Variants in CSMD1 observed in about 807,000 individuals in gnomAD.
CSMD1 encodes the protein CUB and sushi domain-containing protein 1.
Under a neutral mutation model 417.5 loss-of-function variants are expected in CSMD1, and 213 were observed. The ratio of observed to expected loss-of-function variants is 0.51; its 90% CI spans 0.46 to 0.57. The LOEUF (loss-of-function observed/expected upper bound fraction) is 0.57. CSMD1 is among the 20% of genes least tolerant of loss of function. The pLI is 0.00. For missense variants in CSMD1, 6,923 were observed against 4,529.7 expected, an observed-to-expected ratio of 1.53 and a Z score of -15.17; for synonymous variants, 2,862 against 1,736.8, an observed-to-expected ratio of 1.65 and a Z score of -16.11.
At chr8:3,310,025 T>G (rs1317978129) in intron 23 of CSMD1, among the ~76,000 whole-genome samples, 1 of 152,178 alleles carries the variant, frequency 6.6e-6, no homozygotes, top group African/African-American at 2.4e-5. Flanking sequence ...TAATTTTAAT[T>G]CAGATGCCTG....
intron 1 of CSMD1, among the ~76,000 whole-genome samples, chr8:4,813,554 C>T (rs1335670266): frequency 2.6e-5 from 4 of 152,110 alleles, no homozygotes; most frequent in Non-Finnish European, 4.4e-5. Flanking sequence ...TAACTCTTTC[C>T]AGAAGCCCTA....
chr8:4,307,567 T>C (rs1269199842), intron 3 of CSMD1, among the ~76,000 whole-genome samples: 1 of 152,326 alleles, frequency 6.6e-6, no homozygotes, highest in Admixed American at 6.5e-5. Context: ...TGCCTCTGCT[T>C]ATCTGTGTTT....
chr8:4,661,944 T>C (rs1046771998), intron 1 of CSMD1, among the ~76,000 whole-genome samples: 1 of 152,172 alleles, frequency 6.6e-6, no homozygotes. Context: ...TATTGACAGT[T>C]TCTACATAGT....
chr8:3,796,338 ATATATATC>A lies in CSMD1; in HGVS notation c.819-42304_819-42297del, dbSNP rs1401247191. On this transcript the variant is annotated intron_variant, in intron 5 of 69. Transcript: ENST00000635120. ...AGATATCTATCATGTATAGATATAGATATATATCTATCATGTATAGATATAGATATCTA... is the reference window on the plus strand; with the variant it reads ...AGATATCTATCATGTATAGATATAGATATCATGTATAGATATAGATATCTA... Among the ~76,000 whole-genome samples the A allele has an allele frequency of 5.3e-4, 51 of 95,370 alleles. 7 individuals are homozygous for A. The highest frequency in any genetic ancestry group is 5.0e-3 in the East Asian group (15 of 2,974). 62.6% of individuals were successfully genotyped at this position (95,370 alleles called of 152,430 possible).
chr8:4,477,395 C>G (rs546098414), intron 2 of CSMD1, among the ~76,000 whole-genome samples: 1 of 152,314 alleles, frequency 6.6e-6, no homozygotes, highest in Admixed American at 6.5e-5. Context: ...CTCGATCAGT[C>G]TCGGGGACTT....
At chr8:4,067,463 T>C (rs766261181) in intron 3 of CSMD1, among the ~76,000 whole-genome samples, 1 of 146,740 alleles carries the variant, frequency 6.8e-6, no homozygotes, top group Non-Finnish European at 1.5e-5. Flanking sequence ...ATATCAGTTC[T>C]TTTCACATGA....
intron 19 of CSMD1, among the ~76,000 whole-genome samples, chr8:3,367,971 C>T (rs17065969): frequency 0.24 from 36,238 of 151,822 alleles, 4,416 homozygotes; most frequent in African/African-American, 0.3. Flanking sequence ...TCTGCATAAC[C>T]GAGGAAAAAC....
intron 1 of CSMD1, among the ~76,000 whole-genome samples, chr8:4,800,499 G>A (rs1202402459): frequency 6.6e-6 from 1 of 152,078 alleles, no homozygotes; most frequent in Admixed American, 6.5e-5. Flanking sequence ...TTAATTCCTG[G>A]GAAATCAATG....
intron 5 of CSMD1, among the ~76,000 whole-genome samples, chr8:3,995,283 T>G (rs186985181): frequency 1.3e-5 from 2 of 152,254 alleles, no homozygotes; most frequent in Admixed American, 6.5e-5. Context: ...TGAAGAGTCA[T>G]TGAAAGCTGA....
intron 3 of CSMD1, among the ~76,000 whole-genome samples, chr8:4,179,398 C>T (rs1027475551): frequency 3.9e-5 from 6 of 152,080 alleles, no homozygotes; most frequent in African/African-American, 1.4e-4. Flanking sequence ...AAGCTGGATC[C>T]CTTCCTTACA....
chr8:3,518,788 G>C (rs901677596), intron 10 of CSMD1, among the ~76,000 whole-genome samples: 1 of 152,098 alleles, frequency 6.6e-6, no homozygotes, highest in Non-Finnish European at 1.5e-5. Flanking sequence ...TTAATTACTA[G>C]ATGGAACTAG....
chr8:3,363,778 T>G (rs1038923716), intron 20 of CSMD1, among the ~76,000 whole-genome samples: 12 of 152,150 alleles, frequency 7.9e-5, no homozygotes, highest in Non-Finnish European at 1.6e-4. Flanking sequence ...TGATGCTAAT[T>G]CACTAGAAGT....
rs146435435 is a variant in CSMD1, at chr8:3,500,021, G to A, written c.1345-6295C>T. On this transcript the variant is annotated intron_variant, in intron 10 of 69. Transcript: ENST00000635120. ...CCTGTGGGGGCTTTTCTGAAGCCCT[G>A]AATACAGGCATCTGGGGTGGGAGTG... is the stretch of plus-strand genomic sequence containing the variant. Among the ~76,000 whole-genome samples the A allele has an allele frequency of 7.3e-3, 1,104 of 152,186 alleles. 12 individuals are homozygous for A. The highest frequency in any genetic ancestry group is 0.027 in the Middle Eastern group (8 of 294).
At chr8:3,064,003 A>G (rs867234829) in intron 49 of CSMD1, among the ~76,000 whole-genome samples, 4 of 152,202 alleles carry the variant, frequency 2.6e-5, no homozygotes, top group Non-Finnish European at 4.4e-5. Flanking sequence ...TCATTAGGAT[A>G]AAGTTAGATA....
At chr8:4,453,364 G>C (rs1486422709) in intron 2 of CSMD1, among the ~76,000 whole-genome samples, 5 of 152,186 alleles carry the variant, frequency 3.3e-5, no homozygotes. Flanking sequence ...TGCTGGGATT[G>C]GGGGTCTCCT....
intron 26 of CSMD1, among the ~76,000 whole-genome samples, chr8:3,279,433 C>A (rs1234147338): frequency 6.6e-6 from 1 of 152,146 alleles, no homozygotes; most frequent in Non-Finnish European, 1.5e-5. Flanking sequence ...TATTTTACAG[C>A]CCTGATTGTA....
At chr8:3,253,031 T>A in intron 26 of CSMD1, among the ~76,000 whole-genome samples, 1 of 151,660 alleles carries the variant, frequency 6.6e-6, no homozygotes, top group Non-Finnish European at 1.5e-5. Context: ...ATTCATTGAT[T>A]TTTTGAAGGG....
intron 1 of CSMD1, among the ~76,000 whole-genome samples, chr8:4,677,274 A>C (rs909574219): frequency 4.0e-5 from 6 of 151,878 alleles, no homozygotes; most frequent in Admixed American, 2.0e-4. Context: ...AAGGAATCCA[A>C]CAATGTAGTT....
chr8:4,745,138 C>A (rs995329337), intron 1 of CSMD1, among the ~76,000 whole-genome samples: 2 of 152,040 alleles, frequency 1.3e-5, no homozygotes, highest in Non-Finnish European at 2.9e-5. Context: ...CAAATTCATA[C>A]TTTTAAAATT....
Sources: gnomAD v4.1 joint callset for allele counts (sites outside exome capture counted in the v4.1 genomes callset) on GRCh38, gnomAD v4.1.1 for gene constraint, MANE v1.5 for transcripts, NCBI Gene and HGNC (gene_info 2026-07-23, HGNC 2026-07-21) for gene names.